Variants in SLC35D1 observed in about 807,000 individuals in gnomAD.
The protein encoded by SLC35D1 is solute carrier family 35 member D1, also known as nucleotide sugar transporter SLC35D1.
In SLC35D1, 31 loss-of-function variants were observed where a neutral mutation model predicts 46.7. That is an observed-to-expected ratio of 0.66 (90% CI 0.50 to 0.90). The LOEUF is 0.90. SLC35D1 is among the 40% of genes least tolerant of loss of function. The pLI, the probability that SLC35D1 is intolerant of heterozygous loss-of-function variation, is 0.00. For synonymous variants in SLC35D1, 195 were observed against 164.6 expected, an observed-to-expected ratio of 1.18 and a Z score of -1.41; for missense variants, 397 against 426.2, an observed-to-expected ratio of 0.93 and a Z score of 0.60.
At chr1:67,007,181 C>A (rs1004728964) in intron 11 of SLC35D1, among the ~76,000 whole-genome samples, 2 of 152,146 alleles carry the variant, frequency 1.3e-5, no homozygotes, top group African/African-American at 4.8e-5. Context: ...ATTTGGGTTG[C>A]TATAACAAAA....
chr1:67,013,158 A>ATAGATATATATATATATATATATG (rs1553264893), intron 10 of SLC35D1, among the ~76,000 whole-genome samples: 3 of 103,638 alleles, frequency 2.9e-5, no homozygotes, highest in African/African-American at 5.6e-5. Flanking sequence ...TATCCTGGAG[A>ATAGATATATATATATATATATATG]TATATATATA....
chr1:66,986,407 A>G, the SLC35D1 span: 1 of 1,612,886 alleles, frequency 6.2e-7, no homozygotes, highest in Non-Finnish European at 8.5e-7. Context: ...ACACAGGCAT[A>G]CTCCAAATGC....
chr1:67,002,200 C>T lies in SLC35D1; in HGVS notation c.*2140G>A, dbSNP rs914948130. On this transcript the variant is annotated 3_prime_UTR_variant, in exon 12 of 12. Transcript: ENST00000235345. ...CCTAAGCAAAACCAGGAAGTGTTGG[C>T]AACATTTACAGCCAGAAGTGCATTA... is the stretch of plus-strand genomic sequence containing the variant. The T allele has an allele frequency of 8.5e-5, 13 of 152,312 alleles. No homozygotes were observed. The highest frequency in any genetic ancestry group is 3.1e-4 in the African/African-American group (13 of 41,424). 9.4% of individuals were successfully genotyped at this position (152,312 alleles called of 1,614,324 possible). A position where few individuals can be genotyped will look rare whatever the true frequency, so the allele number is the denominator to read the frequency against.
chr1:66,990,486 C>CA, the SLC35D1 span, among the ~76,000 whole-genome samples: 1 of 152,028 alleles, frequency 6.6e-6, no homozygotes, highest in Non-Finnish European at 1.5e-5. Context: ...GGGCTAGTCT[C>CA]AAACTCCTGG....
chr1:67,042,279 A>G lies in SLC35D1; in HGVS notation c.686T>C (p.Leu229Pro), dbSNP rs753388961. Residue 229 changes from leucine to proline, a missense_variant, in exon 8 of 12, where the codon CTG becomes CCG. Coordinates refer to ENST00000235345, the MANE Select transcript of SLC35D1 (RefSeq NM_015139.3). Reference sequence around the variant, plus strand: ...GAAATACGCAATGGCCAGGGTGGGCAGAATCATGAACAGTGCATTGTAATA... The same window carrying G: ...GAAATACGCAATGGCCAGGGTGGGCGGAATCATGAACAGTGCATTGTAATA... The part of the protein sequence containing the change: ...LLYYNALFMI[L>P]PTLAIAYFTG... The G allele has an allele frequency of 6.2e-7, 1 of 1,614,212 alleles. No individual in the cohort carries two copies. The highest frequency in any genetic ancestry group is 1.1e-5 in the South Asian group (1 of 91,090).
At chr1:66,985,901 G>A in the SLC35D1 span, 1 of 972,838 alleles carries the variant, frequency 1.0e-6, no homozygotes, top group South Asian at 4.8e-5. Context: ...TTAGATTGCA[G>A]TTTGTTTTGC....
intron 7 of SLC35D1, among the ~76,000 whole-genome samples, chr1:67,044,997 A>T (rs1645236501): frequency 6.6e-6 from 1 of 152,156 alleles, no homozygotes; most frequent in Non-Finnish European, 1.5e-5. Context: ...CACCACAAGC[A>T]TCAGTGTAAA....
At chr1:67,032,497 A>C (rs1254398316) in intron 8 of SLC35D1, among the ~76,000 whole-genome samples, 1 of 152,028 alleles carries the variant, frequency 6.6e-6, no homozygotes, top group Non-Finnish European at 1.5e-5. Context: ...CTTGACCAAC[A>C]CGGAGAAACC....
intron 11 of SLC35D1, among the ~76,000 whole-genome samples, chr1:67,006,482 G>A (rs2815348): frequency 1.3e-5 from 2 of 152,004 alleles, no homozygotes; most frequent in Non-Finnish European, 1.5e-5. Context: ...CTCTAGCTTC[G>A]CCTTCCCACA....
intron 6 of SLC35D1, among the ~76,000 whole-genome samples, chr1:67,048,909 T>C (rs1044820594): frequency 2.0e-5 from 3 of 152,224 alleles, no homozygotes; most frequent in African/African-American, 7.2e-5. Context: ...AATGTTATTG[T>C]TCATTATTCG....
chr1:66,976,650 C>G, the SLC35D1 span: 4 of 1,607,644 alleles, frequency 2.5e-6, no homozygotes, highest in Non-Finnish European at 3.4e-6. Flanking sequence ...TGGAAAAAAT[C>G]TGAACGTTAT....
At chr1:66,986,588 G>A in the SLC35D1 span, 1 of 827,982 alleles carries the variant, frequency 1.2e-6, no homozygotes, top group Non-Finnish European at 2.0e-6. Flanking sequence ...GTTAACATAT[G>A]TTCGGACTGC....
intron 7 of SLC35D1, among the ~76,000 whole-genome samples, chr1:67,046,871 T>C (rs1558166472): frequency 6.6e-6 from 1 of 152,200 alleles, no homozygotes; most frequent in Non-Finnish European, 1.5e-5. Context: ...AAGGCCATTT[T>C]TGTTTTGCAG....
chr1:67,015,636 G>A (rs1667669705), intron 10 of SLC35D1, among the ~76,000 whole-genome samples: 1 of 152,152 alleles, frequency 6.6e-6, no homozygotes, highest in Non-Finnish European at 1.5e-5. Flanking sequence ...TGATCCCCCT[G>A]CCTTGGCCTC....
At chr1:67,028,036 T>C (rs938431411) in intron 8 of SLC35D1, among the ~76,000 whole-genome samples, 2 of 152,134 alleles carry the variant, frequency 1.3e-5, no homozygotes, top group Admixed American at 1.3e-4. Context: ...CCAGCCACTA[T>C]GTTGTGCTTT....
At chr1:67,042,130 C>A (rs1645193544) in intron 8 of SLC35D1, 106 bp downstream of exon 8, 2 of 1,100,480 alleles carry the variant, frequency 1.8e-6, no homozygotes, top group South Asian at 2.5e-5. Context: ...AGTTTTTGGT[C>A]ACTTAATAAG....
chr1:66,986,687 T>C, the SLC35D1 span: 5 of 486,006 alleles, frequency 1.0e-5, no homozygotes, highest in Non-Finnish European at 1.8e-5. Context: ...GTACATTCAC[T>C]GTTGTTACAT....
At chr1:67,047,020 T>C (rs529064354) in intron 7 of SLC35D1, among the ~76,000 whole-genome samples, 55 of 152,290 alleles carry the variant, frequency 3.6e-4, no homozygotes, top group African/African-American at 1.3e-3. Flanking sequence ...ACACTTTACT[T>C]TCCCTACCCC....
intron 10 of SLC35D1, among the ~76,000 whole-genome samples, chr1:67,009,718 T>G (rs933303439): frequency 1.3e-5 from 2 of 152,198 alleles, no homozygotes; most frequent in Non-Finnish European, 2.9e-5. Flanking sequence ...GAATGCTTAT[T>G]TATACACTGT....
Sources: gnomAD v4.1 joint callset for allele counts (sites outside exome capture counted in the v4.1 genomes callset) on GRCh38, gnomAD v4.1.1 for gene constraint, MANE v1.5 for transcripts, NCBI Gene and HGNC (gene_info 2026-07-23, HGNC 2026-07-21) for gene names.